STON1: variants seen among roughly 807,000 people sequenced by gnomAD.
STON1 encodes stonin-1.
Under a neutral mutation model 60.9 loss-of-function variants are expected in STON1, and 79 were observed. The ratio of observed to expected loss-of-function variants is 1.30; its 90% CI spans 1.08 to 1.56. The LOEUF (loss-of-function observed/expected upper bound fraction) is 1.56. STON1 is among the 40% of genes most tolerant of loss of function. The probability of loss-of-function intolerance (pLI) is 0.00; values close to 1 mark genes in which losing one functional copy is unlikely to be tolerated. For synonymous variants in STON1, 363 were observed against 306.9 expected (o/e 1.18, Z -1.91); for missense variants, 1,166 against 858.9 (o/e 1.36, Z -4.47).
chr2:48,548,726 C>T lies in STON1; in HGVS notation c.-48+18510C>T, dbSNP rs186018688. On this transcript the variant is annotated intron_variant, in intron 1 of 3. Coordinates refer to ENST00000404752, the MANE Select transcript of STON1 (RefSeq NM_006873.4). Reference sequence around the variant, plus strand: ...TGTTGCCCAGGCTGGTCTTGAACTACTGACCTCAGGTGATCTGCCTGCCTC... The same window carrying T: ...TGTTGCCCAGGCTGGTCTTGAACTATTGACCTCAGGTGATCTGCCTGCCTC... Among the ~76,000 whole-genome samples, 550 of 152,266 alleles carry T rather than the reference C, an allele frequency of 3.6e-3. 3 individuals carry two copies. Among genetic ancestry groups the T allele is most frequent in the African/African-American group, 0.012 (506 of 41,534 alleles).
At position 48,580,966 on chromosome 2, in the gene STON1, C is replaced by G. The variant is rs376885663; in HGVS notation, c.333C>G (p.Asp111Glu). 8 of 1,583,046 alleles carry G rather than the reference C, an allele frequency of 5.1e-6. No homozygotes were observed. Among genetic ancestry groups the G allele is most frequent in the African/African-American group, 1.4e-5 (1 of 73,828 alleles). The change falls in exon 2 of 4, where the codon GAC becomes GAG. Residue 111 changes from aspartate to glutamate, a missense_variant. Transcript: ENST00000404752. ...ATCCTATTCCAGAATCATCTTCAGA[C>G]AGCCCACTCGCAATATCAGGAGGAG... ...VLYPIPESSSDSPLAISGGES... is the reference protein window; with the variant it reads ...VLYPIPESSSESPLAISGGES...
At chr2:48,550,055 C>T (rs958882818) in intron 1 of STON1, among the ~76,000 whole-genome samples, 6 of 151,774 alleles carry the variant, frequency 4.0e-5, no homozygotes, top group Non-Finnish European at 7.4e-5. Context: ...GAGGTGACTT[C>T]TGGGATCTAG....
chr2:48,546,925 A>G (rs1182703077), intron 1 of STON1, among the ~76,000 whole-genome samples: 1 of 152,230 alleles, frequency 6.6e-6, no homozygotes, highest in Non-Finnish European at 1.5e-5. Flanking sequence ...ACCAAGACAT[A>G]GATCCCAATG....
chr2:48,596,638 A>G lies in STON1; in HGVS notation c.*1336A>G, dbSNP rs1181639066. The G allele has an allele frequency of 6.6e-6, 1 of 152,100 alleles. No homozygotes were observed. The highest frequency in any genetic ancestry group is 6.5e-5 in the Admixed American group (1 of 15,278). 9.4% of individuals were successfully genotyped at this position (152,100 alleles called of 1,614,324 possible). On this transcript the variant is annotated 3_prime_UTR_variant, in exon 4 of 4. Coordinates refer to ENST00000404752, the MANE Select transcript of STON1 (RefSeq NM_006873.4). The stretch of plus-strand genomic sequence containing the variant: ...CTGATTTAGTGTTCTTCCAAACAAC[A>G]TTTATGTGTTGGCCTACAGAGTTTA...
chr2:48,593,158 C>G (rs1163618526), intron 3 of STON1, among the ~76,000 whole-genome samples: 1 of 152,128 alleles, frequency 6.6e-6, no homozygotes, highest in Non-Finnish European at 1.5e-5. Flanking sequence ...CTCTGTTGCC[C>G]AGGTTGGAGT....
intron 1 of STON1, among the ~76,000 whole-genome samples, chr2:48,541,082 G>A (rs1671630585): frequency 6.6e-6 from 1 of 152,178 alleles, no homozygotes; most frequent in Non-Finnish European, 1.5e-5. Context: ...GGGCACAGTG[G>A]CTCACGCCTG....
At chr2:48,591,509 T>C (rs1298041939) in intron 2 of STON1, 144 bp from the exon 3 acceptor site, 2 of 1,145,776 alleles carry the variant, frequency 1.7e-6, no homozygotes, top group African/African-American at 1.6e-5. Context: ...TAGATTTTCA[T>C]GGTATGTTGT....
chr2:48,570,259 C>T (rs1489535902), intron 1 of STON1, among the ~76,000 whole-genome samples: 2 of 152,000 alleles, frequency 1.3e-5, no homozygotes, highest in Admixed American at 6.6e-5. Flanking sequence ...CACTTGAACC[C>T]GGGAGGTAGA....
chr2:48,563,613 C>G (rs1672698871), intron 1 of STON1, among the ~76,000 whole-genome samples: 1 of 152,212 alleles, frequency 6.6e-6, no homozygotes, highest in Non-Finnish European at 1.5e-5. Context: ...TCCCTAGTCT[C>G]AGACTCTTGT....
At chr2:48,582,789 G>A (rs942030421) in intron 2 of STON1, among the ~76,000 whole-genome samples, 5 of 152,090 alleles carry the variant, frequency 3.3e-5, no homozygotes, top group South Asian at 2.1e-4. Flanking sequence ...AATATCATAC[G>A]AAATACCATG....
At chr2:48,574,344 C>A (rs758665868) in intron 1 of STON1, among the ~76,000 whole-genome samples, 3 of 151,162 alleles carry the variant, frequency 2.0e-5, no homozygotes, top group Non-Finnish European at 4.4e-5. Context: ...CCACTGCACT[C>A]CAACCTGAGC....
chr2:48,584,048 C>T (rs1674059559), intron 2 of STON1, among the ~76,000 whole-genome samples: 1 of 152,052 alleles, frequency 6.6e-6, no homozygotes, highest in African/African-American at 2.4e-5. Context: ...TGTGCCCGGC[C>T]CATCCATCCA....
chr2:48,594,672 G>A (rs1389888796), intron 3 of STON1, among the ~76,000 whole-genome samples: 2 of 152,160 alleles, frequency 1.3e-5, no homozygotes, highest in Non-Finnish European at 2.9e-5. Flanking sequence ...GGTAGTCCTG[G>A]AGGACCTCCA....
intron 3 of STON1, among the ~76,000 whole-genome samples, chr2:48,593,496 T>G (rs967835567): frequency 3.9e-5 from 6 of 152,252 alleles, no homozygotes; most frequent in African/African-American, 1.4e-4. Context: ...CAGTTTAGAA[T>G]GTATGTTTCC....
chr2:48,581,512 A>T lies in STON1; in HGVS notation c.879A>T (p.Gln293His). Residue 293 changes from glutamine (Q) to histidine (H), a missense_variant, in exon 2 of 4, where the codon CAA becomes CAT. Coordinates refer to ENST00000404752, the MANE Select transcript of STON1 (RefSeq NM_006873.4). ...AGAAGAATATGATGTCTTCCCGGCA[A>T]TGGGGACCAATTTTTCTGAAAGTTT... ...PEKKNMMSSR[Q>H]WGPIFLKVLP... 1 of 1,614,226 alleles carries T rather than the reference A, an allele frequency of 6.2e-7. No individual in the cohort carries two copies. Among genetic ancestry groups the T allele is most frequent in the East Asian group, 2.2e-5 (1 of 44,890 alleles).
chr2:48,545,277 G>A (rs563802655), intron 1 of STON1, among the ~76,000 whole-genome samples: 3 of 152,192 alleles, frequency 2.0e-5, no homozygotes, highest in African/African-American at 4.8e-5. Context: ...CTCCAAGTGA[G>A]AATGGCTTTA....
chr2:48,571,827 G>C (rs1673224238), intron 1 of STON1, among the ~76,000 whole-genome samples: 1 of 152,152 alleles, frequency 6.6e-6, no homozygotes, highest in Non-Finnish European at 1.5e-5. Context: ...AAGTCATATA[G>C]AAGGATCAGC....
Position 48,581,483 on chromosome 2 carries a change from G to T in STON1, c.850G>T (p.Glu284Ter). The T allele has an allele frequency of 6.2e-7, 1 of 1,614,226 alleles. No individual in the cohort carries two copies. The highest frequency in any genetic ancestry group is 8.5e-7 in the Non-Finnish European group (1 of 1,180,044). Residue 284 changes from glutamate (E) to a stop codon, truncating the protein, a stop_gained, in exon 2 of 4, where the codon GAG becomes TAG. Transcript: ENST00000404752. LOFTEE classifies it high-confidence loss of function. ...ATGGTCTTTCATGCTGAGAATTCCT[G>T]AGAAGAAGAATATGATGTCTTCCCG... is the stretch of plus-strand genomic sequence containing the variant. ...SGWSFMLRIPEKKNMMSSRQW... is the reference protein window; with the variant it reads ...SGWSFMLRIP
intron 2 of STON1, among the ~76,000 whole-genome samples, chr2:48,589,078 G>T (rs544956848): frequency 1.3e-5 from 2 of 152,244 alleles, no homozygotes; most frequent in African/African-American, 4.8e-5. Flanking sequence ...AATGAGAGTG[G>T]TGGAGGAGCA....
Sources: gnomAD v4.1 joint callset for allele counts (sites outside exome capture counted in the v4.1 genomes callset) on GRCh38, gnomAD v4.1.1 for gene constraint, MANE v1.5 for transcripts, NCBI Gene and HGNC (gene_info 2026-07-23, HGNC 2026-07-21) for gene names.